Variants in VWC2 observed in about 807,000 individuals in gnomAD.
The protein encoded by VWC2 is brorin.
Under a neutral mutation model 29.8 loss-of-function variants are expected in VWC2, and 14 were observed. The observed-to-expected ratio is 0.47, with a 90% CI of 0.31 to 0.74. The LOEUF (loss-of-function observed/expected upper bound fraction) is 0.74. VWC2 is among the 30% of genes least tolerant of loss of function. VWC2 has a pLI of 0.05. For synonymous variants in VWC2, 213 were observed against 199.0 expected (o/e 1.07, Z -0.59); for missense variants, 457 against 459.8 (o/e 0.99, Z 0.05).
chr7:49,859,066 C>T (rs1790542330), intron 3 of VWC2, among the ~76,000 whole-genome samples: 1 of 152,194 alleles, frequency 6.6e-6, no homozygotes, highest in Non-Finnish European at 1.5e-5. Flanking sequence ...TTTTGTTTTA[C>T]ATTGTGGCCC....
intron 3 of VWC2, among the ~76,000 whole-genome samples, chr7:49,896,114 G>T (rs1792371811): frequency 6.6e-6 from 1 of 152,166 alleles, no homozygotes; most frequent in Admixed American, 6.5e-5. Flanking sequence ...GCCAAAGTGG[G>T]TGGATCACTT....
At chr7:49,824,343 C>G (rs886119233) in intron 3 of VWC2, among the ~76,000 whole-genome samples, 1 of 152,156 alleles carries the variant, frequency 6.6e-6, no homozygotes, top group East Asian at 1.9e-4. Context: ...TACCTTTTTC[C>G]TATTGAATTA....
chr7:49,830,853 C>A (rs1005893184), intron 3 of VWC2, among the ~76,000 whole-genome samples: 1 of 152,048 alleles, frequency 6.6e-6, no homozygotes, highest in Non-Finnish European at 1.5e-5. Context: ...TGAACTCATC[C>A]TTTTTTATGG....
At chr7:49,881,348 T>A (rs543325439) in intron 3 of VWC2, among the ~76,000 whole-genome samples, 22 of 152,270 alleles carry the variant, frequency 1.4e-4, no homozygotes, top group Admixed American at 3.3e-4. Flanking sequence ...TTGTGGAACT[T>A]GAGAAATTCA....
intron 2 of VWC2, among the ~76,000 whole-genome samples, chr7:49,782,154 A>C (rs1876569): frequency 6.6e-6 from 1 of 152,182 alleles, no homozygotes; most frequent in East Asian, 1.9e-4. Flanking sequence ...TGATTCCCAG[A>C]TGGCAGCCAT....
At chr7:49,809,537 A>G (rs575095129) in intron 3 of VWC2, among the ~76,000 whole-genome samples, 23 of 152,028 alleles carry the variant, frequency 1.5e-4, no homozygotes, top group Non-Finnish European at 2.9e-4. Flanking sequence ...TGTGACCACA[A>G]TGCTGAAGGT....
At chr7:49,808,133 C>T (rs1284101294) in intron 3 of VWC2, among the ~76,000 whole-genome samples, 3 of 152,114 alleles carry the variant, frequency 2.0e-5, no homozygotes, top group African/African-American at 7.2e-5. Context: ...AAAGAACTTC[C>T]TGTTCTGCTG....
At chr7:49,800,909 A>C (rs775924705) in intron 2 of VWC2, among the ~76,000 whole-genome samples, 31 of 151,794 alleles carry the variant, frequency 2.0e-4, no homozygotes, top group Non-Finnish European at 2.5e-4. Context: ...AACTCATCTC[A>C]AAAACAGGCC....
chr7:49,863,609 T>C (rs1790757100), intron 3 of VWC2, among the ~76,000 whole-genome samples: 1 of 152,092 alleles, frequency 6.6e-6, no homozygotes, highest in Non-Finnish European at 1.5e-5. Flanking sequence ...ATTTTGTATT[T>C]TGTGTAGAGA....
intron 3 of VWC2, among the ~76,000 whole-genome samples, chr7:49,849,449 G>A (rs571062388): frequency 7.2e-5 from 11 of 152,308 alleles, no homozygotes; most frequent in Admixed American, 7.2e-4. Flanking sequence ...AGACTGTCAG[G>A]AAGGGTCCTC....
intron 3 of VWC2, among the ~76,000 whole-genome samples, chr7:49,859,977 C>G (rs1342362562): frequency 1.3e-5 from 2 of 151,464 alleles, no homozygotes; most frequent in African/African-American, 4.8e-5. Flanking sequence ...TAAATATATA[C>G]TTATATTTAT....
At chr7:49,843,363 G>A (rs924043115) in intron 3 of VWC2, among the ~76,000 whole-genome samples, 1 of 152,158 alleles carries the variant, frequency 6.6e-6, no homozygotes, top group Non-Finnish European at 1.5e-5. Flanking sequence ...CCCAAGCGAA[G>A]AGGAGACACA....
intron 2 of VWC2, among the ~76,000 whole-genome samples, chr7:49,789,950 G>A (rs1446080087): frequency 1.3e-5 from 2 of 152,342 alleles, no homozygotes; most frequent in East Asian, 1.9e-4. Context: ...CAGAGGCGGG[G>A]GTGCAGGCCG....
intron 2 of VWC2, among the ~76,000 whole-genome samples, chr7:49,784,530 A>G (rs149607157): frequency 3.9e-4 from 60 of 152,346 alleles, no homozygotes; most frequent in African/African-American, 1.3e-3. Flanking sequence ...CAGGTCCCCA[A>G]GTAGAAAGAA....
chr7:49,818,211 T>C (rs959116878), intron 3 of VWC2, among the ~76,000 whole-genome samples: 2 of 152,162 alleles, frequency 1.3e-5, no homozygotes, highest in African/African-American at 4.8e-5. Context: ...ATTACTTAAG[T>C]ATTCAGAGGA....
chr7:49,847,025 CAGA>C (rs1295774104), intron 3 of VWC2, among the ~76,000 whole-genome samples: 4 of 152,126 alleles, frequency 2.6e-5, no homozygotes, highest in African/African-American at 9.7e-5. Flanking sequence ...TTGCAGTGAG[CAGA>C]AGGTCTGTGT....
intron 3 of VWC2, among the ~76,000 whole-genome samples, chr7:49,844,316 A>G (rs946931047): frequency 2.0e-4 from 30 of 152,230 alleles, no homozygotes; most frequent in African/African-American, 6.3e-4. Context: ...TGCAGTATTT[A>G]CATTTGGAAA....
intron 3 of VWC2, among the ~76,000 whole-genome samples, chr7:49,841,614 A>C (rs1789794552): frequency 6.6e-6 from 1 of 152,166 alleles, no homozygotes; most frequent in Non-Finnish European, 1.5e-5. Flanking sequence ...TTTCCCTCAG[A>C]CCTTCCGGGA....
At chr7:49,816,398 G>A (rs755513505) in intron 3 of VWC2, among the ~76,000 whole-genome samples, 1 of 152,172 alleles carries the variant, frequency 6.6e-6, no homozygotes, top group Non-Finnish European at 1.5e-5. Flanking sequence ...GAGATGTGGT[G>A]CACTAAGGAG....
Sources: allele counts gnomAD v4.1 joint callset (sites outside exome capture counted in the v4.1 genomes callset), GRCh38; gene constraint gnomAD v4.1.1; transcripts MANE v1.5; gene names NCBI Gene and HGNC (gene_info 2026-07-23, HGNC 2026-07-21).